SPATA22: variants seen among roughly 807,000 people sequenced by gnomAD.
SPATA22 encodes spermatogenesis-associated protein 22.
In SPATA22, 29 loss-of-function variants were observed where a neutral mutation model predicts 47.8. The ratio of observed to expected loss-of-function variants is 0.61; its 90% CI spans 0.45 to 0.83. SPATA22 has a LOEUF of 0.83. Ranked by LOEUF, SPATA22 falls within the 40% of genes least tolerant of loss-of-function variation. The probability of loss-of-function intolerance (pLI) is 0.00; values close to 1 mark genes in which losing one functional copy is unlikely to be tolerated. For missense variants in SPATA22, 410 were observed against 421.7 expected (o/e 0.97, Z 0.24); for synonymous variants, 133 against 140.9 (o/e 0.94, Z 0.40).
chr17:3,454,276 T>C (rs2072931883), intron 5 of SPATA22, among the ~76,000 whole-genome samples: 1 of 151,058 alleles, frequency 6.6e-6, no homozygotes, highest in African/African-American at 2.4e-5. Context: ...TTGATATTGT[T>C]TTTTGTTTTA....
intron 3 of SPATA22, among the ~76,000 whole-genome samples, chr17:3,463,928 C>CCTCTCA (rs2073196891): frequency 1.2e-5 from 1 of 86,220 alleles, no homozygotes; most frequent in African/African-American, 4.4e-5. Flanking sequence ...TCTCCCTCTC[C>CCTCTCA]CTCTCCCTCT....
At chr17:3,486,866 A>G (rs2073731751) in intron 1 of SPATA22, among the ~76,000 whole-genome samples, 2 of 152,214 alleles carry the variant, frequency 1.3e-5, no homozygotes, top group Admixed American at 1.3e-4. Context: ...TAATTTTTCG[A>G]TACAAGATCT....
chr17:3,464,655 G>A (rs377030330), intron 3 of SPATA22, among the ~76,000 whole-genome samples: 6,314 of 149,248 alleles, frequency 0.042, 235 homozygotes, highest in East Asian at 0.1. Flanking sequence ...TGTGAGGAGC[G>A]CCTCTGCCCG....
chr17:3,483,756 T>C (rs1271609215), intron 1 of SPATA22, among the ~76,000 whole-genome samples: 1 of 152,178 alleles, frequency 6.6e-6, no homozygotes, highest in Non-Finnish European at 1.5e-5. Context: ...TCTACCTCTC[T>C]GGTTCAAGTG....
chr17:3,472,020 C>G (rs1265479855), upstream of SPATA22: 1 of 259,040 alleles, frequency 3.9e-6, no homozygotes, highest in African/African-American at 2.3e-5. Context: ...TGTCCTGTGA[C>G]TGGAGAGACA....
chr17:3,459,676 G>A (rs1029550788), intron 5 of SPATA22, among the ~76,000 whole-genome samples: 2 of 152,148 alleles, frequency 1.3e-5, no homozygotes, highest in East Asian at 1.9e-4. Context: ...CCAAAGTGCC[G>A]GGATTACAGG....
At chr17:3,471,823 C>G, upstream of SPATA22, 3 of 985,510 alleles carry the variant, frequency 3.0e-6, no homozygotes, top group Non-Finnish European at 3.6e-6. Context: ...GGGAATCAGG[C>G]TGTTCGCAGG....
upstream of SPATA22, among the ~76,000 whole-genome samples, chr17:3,472,757 T>C (rs1029890269): frequency 6.6e-6 from 1 of 152,200 alleles, no homozygotes; most frequent in African/African-American, 2.4e-5. Flanking sequence ...GGAAGATTGT[T>C]AGTAAAGGCC....
At chr17:3,483,983 A>C (rs1233757824) in intron 1 of SPATA22, among the ~76,000 whole-genome samples, 1 of 152,190 alleles carries the variant, frequency 6.6e-6, no homozygotes, top group East Asian at 1.9e-4. Flanking sequence ...AAAAACATTT[A>C]CAGCTACCTT....
At chr17:3,506,490 G>A (rs777172277) in intron 1 of SPATA22, among the ~76,000 whole-genome samples, 1 of 152,152 alleles carries the variant, frequency 6.6e-6, no homozygotes, top group Non-Finnish European at 1.5e-5. Flanking sequence ...AAATACTAAA[G>A]CCCCATTAGC....
At chr17:3,504,871 T>G (rs1183153456) in intron 1 of SPATA22, among the ~76,000 whole-genome samples, 1 of 152,138 alleles carries the variant, frequency 6.6e-6, no homozygotes, top group Admixed American at 6.5e-5. Flanking sequence ...AACAAGGAAA[T>G]GTTCACACTC....
At chr17:3,452,546 G>A (rs1173725739) in intron 5 of SPATA22, among the ~76,000 whole-genome samples, 3 of 151,882 alleles carry the variant, frequency 2.0e-5, no homozygotes, top group African/African-American at 4.8e-5. Context: ...AGCCGAGATC[G>A]TGCCACTGCA....
At chr17:3,482,843 G>C (rs1403725401) in intron 1 of SPATA22, among the ~76,000 whole-genome samples, 1 of 151,160 alleles carries the variant, frequency 6.6e-6, no homozygotes, top group Non-Finnish European at 1.5e-5. Flanking sequence ...ACCATGTGCA[G>C]GTTTGTTACA....
At chr17:3,468,979 G>A in intron 2 of SPATA22, 1 of 359,280 alleles carries the variant, frequency 2.8e-6, no homozygotes. Context: ...TAACAAGTAA[G>A]TCACAAATAC....
intron 1 of SPATA22, chr17:3,494,602 G>A (rs977725453): frequency 4.3e-5 from 31 of 715,468 alleles, no homozygotes; most frequent in Middle Eastern, 3.3e-4. Context: ...GAAGATGTTC[G>A]GACTGTCGCT....
intron 7 of SPATA22, 114 bp from the exon 8 acceptor site, chr17:3,443,385 T>A: frequency 3.2e-6 from 2 of 626,228 alleles, no homozygotes; most frequent in Non-Finnish European, 5.3e-6. Flanking sequence ...ATAGTGCTAT[T>A]TATATAGCAA....
At chr17:3,470,657 A>G (rs554310771) in intron 1 of SPATA22, among the ~76,000 whole-genome samples, 4 of 151,974 alleles carry the variant, frequency 2.6e-5, no homozygotes, top group African/African-American at 9.6e-5. Flanking sequence ...AGGCTGAGGC[A>G]GGAGAATGGC....
rs1456037844 is a variant in SPATA22 at position 3,469,418 on chromosome 17, T to C, written c.-73-20A>G. On this transcript the variant is annotated intron_variant, in intron 1 of 8. Transcript: ENST00000572969. Reference sequence around the variant, plus strand: ...CTAGACCTGCAAAGAAAGAAACTTATAACTCGTATTGTCTCAACTATAAAA... The same window carrying C: ...CTAGACCTGCAAAGAAAGAAACTTACAACTCGTATTGTCTCAACTATAAAA... The C allele has an allele frequency of 6.4e-6, 6 of 936,732 alleles. No homozygotes were observed. In the Admixed American group the frequency reaches 7.5e-5, roughly 12 times the overall value. 58.0% of individuals were successfully genotyped at this position (936,732 alleles called of 1,614,324 possible).
At chr17:3,466,678 G>A (rs1387310992) in intron 3 of SPATA22, among the ~76,000 whole-genome samples, 6 of 152,180 alleles carry the variant, frequency 3.9e-5, no homozygotes, top group Admixed American at 2.6e-4. Context: ...ACTTTAGAAC[G>A]GGTTATTTAC....
Sources: allele counts gnomAD v4.1 joint callset (sites outside exome capture counted in the v4.1 genomes callset), GRCh38; gene constraint gnomAD v4.1.1; transcripts MANE v1.5; gene names NCBI Gene and HGNC (gene_info 2026-07-23, HGNC 2026-07-21).